Variants in SNX5 observed in about 807,000 individuals in gnomAD.
SNX5 encodes sorting nexin-5.
In SNX5, 31 loss-of-function variants were observed where a neutral mutation model predicts 53.9. That is an observed-to-expected ratio of 0.58 (90% CI 0.43 to 0.78). The LOEUF (loss-of-function observed/expected upper bound fraction) is 0.78. Among genes scored for constraint, SNX5 ranks in the 30% least tolerant of loss-of-function variants. SNX5 has a pLI of 0.00. For missense variants in SNX5, 471 were observed against 478.8 expected, an observed-to-expected ratio of 0.98 and a Z score of 0.15; for synonymous variants, 168 against 171.1, an observed-to-expected ratio of 0.98 and a Z score of 0.14.
Position 17,942,274 on chromosome 20 carries a change from A to T in SNX5, c.*83T>A. On this transcript the variant is annotated 3_prime_UTR_variant, in exon 13 of 13. Transcript: ENST00000377759. ...ATTTTAAACTAAAGTTGAAGCTAAT[A>T]TATCTTCCGTGGTAATGATTTAAGT... 1.2e-6 allele frequency: 1 copy of T among 855,146 alleles called. No individual in the cohort carries two copies. Among genetic ancestry groups the T allele is most frequent in the Non-Finnish European group, 2.0e-6 (1 of 498,152 alleles). The allele number at this position is 855,146 out of a possible 1,614,324, so 53.0% of individuals were successfully genotyped here.
Position 17,953,126 on chromosome 20 carries a change from C to T in SNX5, c.390-416G>A, listed in dbSNP as rs370240126. ...TCTCAACCTAGACATTAAAAGTCACCTTAAAATTCCTAACGGTAGAAACTT... is the reference window on the plus strand; with the variant it reads ...TCTCAACCTAGACATTAAAAGTCACTTTAAAATTCCTAACGGTAGAAACTT... On this transcript the variant is annotated intron_variant, in intron 4 of 12. Coordinates refer to ENST00000377759, the MANE Select transcript of SNX5 (RefSeq NM_014426.4). Among the ~76,000 whole-genome samples the T allele has an allele frequency of 2.6e-4, 39 of 152,264 alleles. 1 individual carries two copies. Among genetic ancestry groups the T allele is most frequent in the African/African-American group, 9.4e-4 (39 of 41,542 alleles).
intron 4 of SNX5, among the ~76,000 whole-genome samples, chr20:17,953,514 G>A (rs773525738): frequency 2.0e-5 from 3 of 152,170 alleles, no homozygotes; most frequent in Admixed American, 6.5e-5. Flanking sequence ...CCCAGGGGCA[G>A]CTCACTATAA....
At chr20:17,945,571 C>T (rs2039476687) in intron 11 of SNX5, 1 of 150,822 alleles carries the variant, frequency 6.6e-6, no homozygotes, top group Non-Finnish European at 1.5e-5. Flanking sequence ...TATAAGATTT[C>T]AACTCAGTAG....
Position 17,952,527 on chromosome 20 carries a change from T to C in SNX5, c.513+60A>G, listed in dbSNP as rs2039584890. 3 of 1,515,614 alleles carry C rather than the reference T, an allele frequency of 2.0e-6. No homozygotes were observed. The Admixed American group carries it at 5.8e-5, about 29-fold the overall frequency. 93.9% of individuals were successfully genotyped at this position (1,515,614 alleles called of 1,614,324 possible). On this transcript the variant is annotated intron_variant, in intron 5 of 12. Coordinates refer to ENST00000377759, the MANE Select transcript of SNX5 (RefSeq NM_014426.4). Reference sequence around the variant, plus strand: ...CTTTAAAGCAGTAGAAACTATCAAGTACATTTTGAAAGTATAAACATTTGA... The same window carrying C: ...CTTTAAAGCAGTAGAAACTATCAAGCACATTTTGAAAGTATAAACATTTGA...
chr20:17,968,089 C>G, intron 1 of SNX5: 1 of 398,796 alleles, frequency 2.5e-6, no homozygotes, highest in Non-Finnish European at 4.4e-6. Flanking sequence ...ATTCCGGGGT[C>G]TCCAGAGATC....
intron 1 of SNX5, among the ~76,000 whole-genome samples, chr20:17,964,172 A>C (rs1164267278): frequency 1.3e-5 from 2 of 152,228 alleles, no homozygotes; most frequent in African/African-American, 4.8e-5. Context: ...CCAGCTACCA[A>C]GTATCTAACA....
At chr20:17,965,315 C>G (rs1471549467) in intron 1 of SNX5, among the ~76,000 whole-genome samples, 2 of 152,204 alleles carry the variant, frequency 1.3e-5, no homozygotes, top group Non-Finnish European at 2.9e-5. Context: ...GCTAAAATGT[C>G]AACAGTGCTC....
chr20:17,961,109 G>A (rs1018223899), intron 1 of SNX5: 19 of 984,506 alleles, frequency 1.9e-5, no homozygotes, highest in African/African-American at 3.5e-5. Flanking sequence ...AAGGAGAAAA[G>A]TAGTTACGGA....
chr20:17,953,918 G>A lies in SNX5; in HGVS notation c.389+78C>T, dbSNP rs1354449554. The stretch of plus-strand genomic sequence containing the variant: ...TGCACTTAAAACAAAATTAAGTCAG[G>A]TTCTTCTACTTATTTTTGTACACAG... On this transcript the variant is annotated intron_variant, in intron 4 of 12. Transcript: ENST00000377759. 5 of 1,272,838 alleles carry A rather than the reference G, an allele frequency of 3.9e-6. No homozygotes were observed. The African/African-American group carries it at 6.0e-5, about 15-fold the overall frequency. 78.8% of individuals were successfully genotyped at this position (1,272,838 alleles called of 1,614,324 possible).
chr20:17,947,599 G>A lies in SNX5; in HGVS notation c.965C>T (p.Ser322Leu). ...RTKALIDYENSNKALDKARLK... is the reference protein window; with the variant it reads ...RTKALIDYENLNKALDKARLK... ...CCGGGCCTTATCCAGAGCTTTGTTT[G>A]AGTTCTCATAGTCAATGAGGGCTTT... The change falls in exon 11 of 13, where the codon TCA (serine) becomes TTA (leucine). Residue 322 changes from serine (S) to leucine (L), a missense_variant. Coordinates refer to ENST00000377759, the MANE Select transcript of SNX5 (RefSeq NM_014426.4). The A allele has an allele frequency of 6.2e-7, 1 of 1,614,026 alleles. No individual in the cohort carries two copies. The highest frequency in any genetic ancestry group is 8.5e-7 in the Non-Finnish European group (1 of 1,179,934).
rs59252584 is a variant in SNX5, at chr20:17,956,673, C to CAAAAAAAAAAAAAA, written c.156+246_156+259dup. ...CTGGGCAACACAATGAGACTGTCTCCAAAAAAAAAAAAAAAAAAAAAAAAA... is the reference window on the plus strand; with the variant it reads ...CTGGGCAACACAATGAGACTGTCTCCAAAAAAAAAAAAAAAAAAAAAAAAAAAAAAAAAAAAAAA... On this transcript the variant is annotated intron_variant, in intron 2 of 12. Coordinates refer to ENST00000377759, the MANE Select transcript of SNX5 (RefSeq NM_014426.4). Among the ~76,000 whole-genome samples the CAAAAAAAAAAAAAA allele has an allele frequency of 1.1e-3, 92 of 84,868 alleles. 2 individuals are homozygous for CAAAAAAAAAAAAAA. The highest frequency in any genetic ancestry group is 1.4e-3 in the Non-Finnish European group (64 of 45,562). 55.7% of individuals were successfully genotyped at this position (84,868 alleles called of 152,430 possible).
chr20:17,960,751 T>TTC (rs2035433558), intron 1 of SNX5, among the ~76,000 whole-genome samples: 1 of 135,286 alleles, frequency 7.4e-6, no homozygotes, highest in Non-Finnish European at 1.5e-5. Flanking sequence ...CACTTCAGCC[T>TTC]GGGCAACAGA....
rs764745399 is a variant in SNX5, at chr20:17,947,629, C to A, written c.935G>T (p.Arg312Leu). ...CTCATAGTCAATGAGGGCTTTGGTG[C>A]GTCTGTATAAGAGATCCTGGGAAAA... is the stretch of plus-strand genomic sequence containing the variant. ...IEAAKDLLYR[R>L]TKALIDYENS... The change falls in exon 11 of 13, where the codon CGC (arginine) becomes CTC (leucine). Residue 312 changes from arginine (R) to leucine (L), a missense_variant. Coordinates refer to ENST00000377759, the MANE Select transcript of SNX5 (RefSeq NM_014426.4). 6.2e-7 allele frequency: 1 copy of A among 1,612,896 alleles called. No homozygotes were observed. The highest frequency in any genetic ancestry group is 8.5e-7 in the Non-Finnish European group (1 of 1,179,558).
chr20:17,956,008 C>G (rs986750652), intron 2 of SNX5, among the ~76,000 whole-genome samples: 1 of 152,152 alleles, frequency 6.6e-6, no homozygotes, highest in Non-Finnish European at 1.5e-5. Context: ...GTTGCCCAGG[C>G]TCAAACGATC....
Position 17,966,680 on chromosome 20 carries a change from C to T in SNX5, c.51+1695G>A, listed in dbSNP as rs77450528. Among the ~76,000 whole-genome samples the T allele has an allele frequency of 1.7e-3, 258 of 152,266 alleles. 6 individuals are homozygous for T. In the East Asian group the frequency reaches 0.047, roughly 28 times the overall value. On this transcript the variant is annotated intron_variant, in intron 1 of 12. Coordinates refer to ENST00000377759, the MANE Select transcript of SNX5 (RefSeq NM_014426.4). Reference sequence around the variant, plus strand: ...ATTAACTCCATCCTTAGGGAGAATTCCAAACCAAAGTAAATTATCAGGAGG... The same window carrying T: ...ATTAACTCCATCCTTAGGGAGAATTTCAAACCAAAGTAAATTATCAGGAGG...
rs369531337 is a variant in SNX5 at position 17,951,574 on chromosome 20, T to C, written c.535A>G (p.Thr179Ala). 2 of 1,611,920 alleles carry C rather than the reference T, an allele frequency of 1.2e-6. No homozygotes were observed. Among genetic ancestry groups the C allele is most frequent in the Non-Finnish European group, 8.5e-7 (1 of 1,178,694 alleles). The change falls in exon 6 of 13, where the codon ACT (threonine) becomes GCT (alanine). Residue 179 changes from threonine to alanine, a missense_variant. Coordinates refer to ENST00000377759, the MANE Select transcript of SNX5 (RefSeq NM_014426.4). ...AAGAAGCCACCAAACATCTCTTTAG[T>C]ATTTTTCCGCCTAACACTTAGCTAA... The part of the protein sequence containing the change: ...DQDLSVRRKN[T>A]KEMFGGFFKS...
chr20:17,942,912 A>AAAG, intron 12 of SNX5, 198 bp downstream of exon 12: 2 of 464,072 alleles, frequency 4.3e-6, no homozygotes, highest in South Asian at 3.2e-5. Flanking sequence ...AAAAAAAAAA[A>AAAG]GTTGCTAAAA....
At chr20:17,967,386 C>G (rs985497139) in intron 1 of SNX5, among the ~76,000 whole-genome samples, 1 of 151,692 alleles carries the variant, frequency 6.6e-6, no homozygotes, top group Admixed American at 6.6e-5. Flanking sequence ...GTATAGAAAG[C>G]TCTATTTTAA....
rs781407560 is a variant in SNX5 at position 17,949,052 on chromosome 20, A to T, written c.831+12T>A. 1 of 1,611,958 alleles carries T rather than the reference A, an allele frequency of 6.2e-7. No homozygotes were observed. The highest frequency in any genetic ancestry group is 8.5e-7 in the Non-Finnish European group (1 of 1,178,586). ...AAATATATATTATGAAGACCAACAC[A>T]GAAATCCTTACCCTTAGTTTTTCAA... On this transcript the variant is annotated intron_variant, in intron 9 of 12. Coordinates refer to ENST00000377759, the MANE Select transcript of SNX5 (RefSeq NM_014426.4).
Sources: gnomAD v4.1 joint callset for allele counts (sites outside exome capture counted in the v4.1 genomes callset) on GRCh38, gnomAD v4.1.1 for gene constraint, MANE v1.5 for transcripts, NCBI Gene and HGNC (gene_info 2026-07-23, HGNC 2026-07-21) for gene names.